The following WDPCP variants were observed in gnomAD, a reference collection of about 807,000 sequenced individuals.
WDPCP encodes the protein WD repeat containing planar cell polarity effector, also known as WD repeat-containing and planar cell polarity effector protein fritz homolog.
In WDPCP, 71 loss-of-function variants were observed where a neutral mutation model predicts 93.1. The ratio of observed to expected loss-of-function variants is 0.76; its 90% CI spans 0.63 to 0.93. The LOEUF is 0.93. Among genes scored for constraint, WDPCP ranks in the 40% least tolerant of loss-of-function variants. WDPCP has a pLI of 0.00. For synonymous variants in WDPCP, 315 were observed against 315.0 expected (o/e 1.00, Z 0.00); for missense variants, 844 against 887.4 (o/e 0.95, Z 0.62).
At chr2:63,746,619 C>T (rs1159013039) in intron 2 of WDPCP, among the ~76,000 whole-genome samples, 1 of 152,090 alleles carries the variant, frequency 6.6e-6, no homozygotes, top group Non-Finnish European at 1.5e-5. Context: ...AAAATGGCCA[C>T]CCTGGGAGTG....
Position 63,151,956 on chromosome 2 carries a change from A to C in WDPCP, c.2190+958T>G, listed in dbSNP as rs1253713667. Among the ~76,000 whole-genome samples, 3 of 152,324 alleles carry C rather than the reference A, an allele frequency of 2.0e-5. No homozygotes were observed. In the East Asian group the frequency reaches 5.8e-4, roughly 29 times the overall value. On this transcript the variant is annotated intron_variant, in intron 17 of 17. Coordinates refer to ENST00000272321, the MANE Select transcript of WDPCP (RefSeq NM_015910.7). ...GGACTATCATTCAGACTCAAGTCTC[A>C]CAATAAATCCTAGCCTTTCTGTAAT...
intron 2 of WDPCP, among the ~76,000 whole-genome samples, chr2:63,658,490 CA>C (rs1300359147): frequency 2.0e-5 from 3 of 152,252 alleles, no homozygotes; most frequent in South Asian, 4.1e-4. Context: ...CTGTATAGGA[CA>C]AACAGCAGAG....
At chr2:63,293,082 T>C (rs574669353) in intron 13 of WDPCP, among the ~76,000 whole-genome samples, 1 of 152,194 alleles carries the variant, frequency 6.6e-6, no homozygotes, top group East Asian at 1.9e-4. Context: ...TGACCCCTCA[T>C]TGCACCTCAC....
At chr2:63,624,701 C>CA (rs1405936463) in intron 3 of WDPCP, among the ~76,000 whole-genome samples, 2 of 152,036 alleles carry the variant, frequency 1.3e-5, no homozygotes, top group African/African-American at 4.8e-5. Flanking sequence ...GCTTACCAAC[C>CA]AAAAAAAGCC....
chr2:63,431,667 TCACA>T (rs374464274), intron 9 of WDPCP, among the ~76,000 whole-genome samples: 1 of 150,464 alleles, frequency 6.6e-6, no homozygotes, highest in East Asian at 1.9e-4. Context: ...GATTATGTCT[TCACA>T]CACACACACA....
At chr2:63,682,082 C>G (rs1395373152) in intron 2 of WDPCP, among the ~76,000 whole-genome samples, 2 of 152,194 alleles carry the variant, frequency 1.3e-5, no homozygotes, top group Non-Finnish European at 2.9e-5. Flanking sequence ...CAAACAAGCC[C>G]AGACTGCGAA....
chr2:63,612,923 C>T (rs892199029), intron 3 of WDPCP, among the ~76,000 whole-genome samples: 2 of 149,586 alleles, frequency 1.3e-5, no homozygotes, highest in Non-Finnish European at 3.0e-5. Flanking sequence ...CTTTTCCTTT[C>T]TTTCTTTCTT....
intron 2 of WDPCP, among the ~76,000 whole-genome samples, chr2:63,740,840 T>C (rs945352825): frequency 6.6e-6 from 1 of 152,158 alleles, no homozygotes; most frequent in African/African-American, 2.4e-5. Context: ...CCCAGAGCCA[T>C]GCCCAACACA....
At chr2:63,558,324 T>A (rs1188085790) in intron 1 of WDPCP, among the ~76,000 whole-genome samples, 1 of 151,918 alleles carries the variant, frequency 6.6e-6, no homozygotes, top group East Asian at 1.9e-4. Flanking sequence ...GGTCAGGAGT[T>A]TGAGACCAGC....
chr2:63,409,519 G>A (rs976187863), intron 9 of WDPCP, among the ~76,000 whole-genome samples: 1 of 152,070 alleles, frequency 6.6e-6, no homozygotes, highest in Non-Finnish European at 1.5e-5. Context: ...ATCACACTAG[G>A]TCGCCAGCAA....
intron 1 of WDPCP, among the ~76,000 whole-genome samples, chr2:63,494,022 C>A (rs1701054299): frequency 6.6e-6 from 1 of 152,156 alleles, no homozygotes. Context: ...TAATTTCAGA[C>A]ATAGTACAAA....
At chr2:63,659,225 G>T (rs990552257) in intron 2 of WDPCP, among the ~76,000 whole-genome samples, 1 of 152,160 alleles carries the variant, frequency 6.6e-6, no homozygotes, top group African/African-American at 2.4e-5. Context: ...CGTTTAACTG[G>T]AAGTTTCAGG....
intron 13 of WDPCP, among the ~76,000 whole-genome samples, chr2:63,302,306 C>T (rs552183824): frequency 2.6e-5 from 4 of 152,206 alleles, no homozygotes; most frequent in South Asian, 2.1e-4. Context: ...CAATATGTCT[C>T]CTATAGTGGG....
intron 13 of WDPCP, among the ~76,000 whole-genome samples, chr2:63,301,136 C>T (rs371354975): frequency 1.6e-4 from 25 of 152,340 alleles, no homozygotes; most frequent in African/African-American, 5.8e-4. Context: ...GGTCCTTCAA[C>T]AAAATACCCT....
intron 2 of WDPCP, among the ~76,000 whole-genome samples, chr2:63,490,378 A>G (rs935371718): frequency 1.3e-5 from 2 of 152,186 alleles, no homozygotes; most frequent in African/African-American, 4.8e-5. Context: ...TACAACTCTC[A>G]AACGGTTCAA....
intron 6 of WDPCP, among the ~76,000 whole-genome samples, chr2:63,457,877 G>A (rs759802027): frequency 3.3e-5 from 5 of 152,142 alleles, no homozygotes; most frequent in Non-Finnish European, 5.9e-5. Flanking sequence ...CTGTAACCCA[G>A]CACTTTGGGA....
At chr2:63,575,774 C>A (rs371546994) in intron 1 of WDPCP, among the ~76,000 whole-genome samples, 1 of 151,276 alleles carries the variant, frequency 6.6e-6, no homozygotes, top group African/African-American at 2.4e-5. Flanking sequence ...CACATGTGTG[C>A]GTATGTATAT....
chr2:63,506,174 T>C (rs1015783800), intron 1 of WDPCP, among the ~76,000 whole-genome samples: 1 of 152,156 alleles, frequency 6.6e-6, no homozygotes, highest in African/African-American at 2.4e-5. Context: ...ATGTATCTTA[T>C]AATCAAGGTG....
intron 10 of WDPCP, among the ~76,000 whole-genome samples, chr2:63,394,377 A>T (rs1269479279): frequency 3.1e-5 from 1 of 31,764 alleles, no homozygotes; most frequent in African/African-American, 8.9e-5. Context: ...TTAATAAGCT[A>T]AAAAAAAAAA....
Sources: gnomAD v4.1 joint callset for allele counts (sites outside exome capture counted in the v4.1 genomes callset) on GRCh38, gnomAD v4.1.1 for gene constraint, MANE v1.5 for transcripts, NCBI Gene and HGNC (gene_info 2026-07-23, HGNC 2026-07-21) for gene names.